Variants in GABRG1 observed in about 807,000 individuals in gnomAD.
GABRG1 encodes the protein gamma-aminobutyric acid type A receptor subunit gamma1.
GABRG1 carries 49 observed loss-of-function variants against 49.8 expected under a neutral mutation model. That is an observed-to-expected ratio of 0.98 (90% confidence interval 0.78 to 1.25). GABRG1 has a LOEUF of 1.25. GABRG1 is among the 50% of genes most tolerant of loss of function. GABRG1 has a pLI of 0.00. For synonymous variants in GABRG1, 232 were observed against 185.1 expected, an observed-to-expected ratio of 1.25 and a Z score of -2.06; for missense variants, 552 against 552.3, an observed-to-expected ratio of 1.00 and a Z score of 0.01.
chr4:46,044,808 C>A lies in GABRG1; in HGVS notation c.1132-3554G>T, dbSNP rs539120747. The stretch of plus-strand genomic sequence containing the variant: ...CTGTGCATGTAGAGAGTAAAGATGA[C>A]GACGGTTGGCATTCACTCATCTCTA... On this transcript the variant is annotated intron_variant, in intron 8 of 8. Coordinates refer to ENST00000295452, the MANE Select transcript of GABRG1 (RefSeq NM_173536.4). Among the ~76,000 whole-genome samples the A allele has an allele frequency of 1.3e-5, 2 of 152,132 alleles. 1 individual carries two copies. Among genetic ancestry groups the A allele is most frequent in the South Asian group, 4.2e-4 (2 of 4,814 alleles).
At chr4:46,114,796 C>T (rs2109443386) in intron 1 of GABRG1, among the ~76,000 whole-genome samples, 1 of 150,786 alleles carries the variant, frequency 6.6e-6, no homozygotes, top group East Asian at 2.0e-4. Context: ...ATTTAAAAAA[C>T]ATACTAACTT....
intron 3 of GABRG1, among the ~76,000 whole-genome samples, chr4:46,070,608 G>A (rs547244767): frequency 6.6e-6 from 1 of 151,972 alleles, no homozygotes; most frequent in Non-Finnish European, 1.5e-5. Flanking sequence ...ATAAATAGGT[G>A]GGCATATAGA....
At chr4:46,065,116 T>G (rs1048683384) in intron 4 of GABRG1, among the ~76,000 whole-genome samples, 4 of 152,152 alleles carry the variant, frequency 2.6e-5, no homozygotes, top group Admixed American at 1.3e-4. Context: ...ATCTTTATGC[T>G]GCAACCTGTT....
chr4:46,108,865 G>A (rs531372546), intron 1 of GABRG1, among the ~76,000 whole-genome samples: 1 of 151,074 alleles, frequency 6.6e-6, no homozygotes, highest in South Asian at 2.1e-4. Context: ...AATTCATCAG[G>A]AAGACTCAAA....
intron 2 of GABRG1, among the ~76,000 whole-genome samples, chr4:46,095,758 C>T (rs1720145085): frequency 6.6e-6 from 1 of 151,786 alleles, no homozygotes; most frequent in East Asian, 1.9e-4. Context: ...AAAATCTACT[C>T]AATAAAGAGA....
At position 46,040,471 on chromosome 4, in the gene GABRG1, A is replaced by G. The variant is rs917730944; in HGVS notation, c.*517T>C. On this transcript the variant is annotated 3_prime_UTR_variant, in exon 9 of 9. Coordinates refer to ENST00000295452, the MANE Select transcript of GABRG1 (RefSeq NM_173536.4). ...ATCAATTTCTTCTTGGGAATACAAT[A>G]TCTTGGAAGAAAATCCAAGAAAACT... 2 of 152,494 alleles carry G rather than the reference A, an allele frequency of 1.3e-5. No individual in the cohort carries two copies. The highest frequency in any genetic ancestry group is 2.4e-5 in the African/African-American group (1 of 41,438). The allele number at this position is 152,494 out of a possible 1,614,324, so 9.4% of individuals were successfully genotyped here. A position where few individuals can be genotyped will look rare whatever the true frequency, so the allele number is the denominator to read the frequency against.
rs377481920 is a variant in GABRG1, at chr4:46,118,132, G to GTGTGTATATATA, written c.104+5677_104+5678insTATATATACACA. 1.4e-4 allele frequency among the ~76,000 whole-genome samples: 15 copies of GTGTGTATATATA among 109,966 alleles called. 1 individual carries two copies. The highest frequency in any genetic ancestry group is 7.0e-4 in the South Asian group (3 of 4,284). The allele number at this position is 109,966 out of a possible 152,430, so 72.1% of individuals were successfully genotyped here. A position where few individuals can be genotyped will look rare whatever the true frequency, so the allele number is the denominator to read the frequency against. On this transcript the variant is annotated intron_variant, in intron 1 of 8. Transcript: ENST00000295452. The stretch of plus-strand genomic sequence containing the variant: ...TATATACATATATACGTGTGTGTGT[G>GTGTGTATATATA]TATATATATATATACAGCTACAGTA...
intron 2 of GABRG1, among the ~76,000 whole-genome samples, chr4:46,087,087 T>C (rs985353114): frequency 1.3e-5 from 2 of 151,806 alleles, no homozygotes; most frequent in Admixed American, 1.3e-4. Context: ...TAATTTTTTT[T>C]TCTTGTAATA....
In GABRG1 at chr4:46,065,493, T is replaced by A; in HGVS notation, c.413A>T (p.Asn138Ile). The A allele has an allele frequency of 1.9e-6, 3 of 1,611,106 alleles. No homozygotes were observed. The highest frequency in any genetic ancestry group is 2.5e-6 in the Non-Finnish European group (3 of 1,177,514). The change falls in exon 4 of 9, where the codon AAT (asparagine) becomes ATT (isoleucine). Residue 138 changes from asparagine (N) to isoleucine (I), a missense_variant. Asn to Ile is a moderately radical substitution (Grantham distance 149). Coordinates refer to ENST00000295452, the MANE Select transcript of GABRG1 (RefSeq NM_173536.4). ...AGGAATCCAAATTTTTCCAACCATA[T>A]TACTGTTAAGCATAAGCACTTTCAT... is the stretch of plus-strand genomic sequence containing the variant. Reference protein sequence around the residue: ...STMKVLMLNSNMVGKIWIPDT... With the variant: ...STMKVLMLNSIMVGKIWIPDT...
At chr4:46,042,927 G>T (rs1037438719) in intron 8 of GABRG1, among the ~76,000 whole-genome samples, 1 of 151,850 alleles carries the variant, frequency 6.6e-6, no homozygotes. Context: ...CTTATTAAAT[G>T]TTAATGACAG....
Position 46,123,812 on chromosome 4 carries a change from GT to G in GABRG1, c.101del (p.Asn34ThrfsTer14). The G allele has an allele frequency of 6.2e-7, 1 of 1,611,286 alleles. No individual in the cohort carries two copies. Among genetic ancestry groups the G allele is most frequent in the Non-Finnish European group, 8.5e-7 (1 of 1,177,650 alleles). ...TTTAAACCCCTGAATTTACTCACCA[GT>G]TTCCCAAATGCAGGGTCAGTAACAA... ...VFLLLTLHLG[N>X]CVDKADDEDD... On this transcript the variant is annotated frameshift_variant, in exon 1 of 9. Transcript: ENST00000295452. LOFTEE classifies it high-confidence loss of function.
chr4:46,106,544 G>A (rs577543127), intron 1 of GABRG1, among the ~76,000 whole-genome samples: 9 of 151,538 alleles, frequency 5.9e-5, no homozygotes, highest in African/African-American at 1.9e-4. Context: ...ACATAATACA[G>A]CAAGAGCACT....
intron 5 of GABRG1, among the ~76,000 whole-genome samples, chr4:46,062,785 A>C (rs1008177084): frequency 6.6e-6 from 1 of 152,174 alleles, no homozygotes; most frequent in African/African-American, 2.4e-5. Flanking sequence ...TCTCAGCCCA[A>C]AATCTCCTTA....
intron 1 of GABRG1, among the ~76,000 whole-genome samples, chr4:46,103,943 A>C (rs528975414): frequency 6.6e-6 from 1 of 151,512 alleles, no homozygotes; most frequent in Admixed American, 6.6e-5. Context: ...AGCTGCATGT[A>C]ATCTCTACCA....
intron 1 of GABRG1, among the ~76,000 whole-genome samples, chr4:46,117,453 G>A (rs1020506600): frequency 6.7e-6 from 1 of 149,614 alleles, no homozygotes; most frequent in African/African-American, 2.4e-5. Context: ...CACAACCAGA[G>A]TAAAGGTTCA....
intron 1 of GABRG1, among the ~76,000 whole-genome samples, chr4:46,110,675 C>T (rs982310720): frequency 4.0e-5 from 6 of 150,980 alleles, no homozygotes; most frequent in African/African-American, 1.5e-4. Flanking sequence ...AGGTTCTATT[C>T]CTGGGATATA....
chr4:46,076,464 T>C (rs1195674083), intron 3 of GABRG1, among the ~76,000 whole-genome samples: 1 of 146,510 alleles, frequency 6.8e-6, no homozygotes. Context: ...ATTAGCAAAG[T>C]CACTCTTTTC....
intron 1 of GABRG1, among the ~76,000 whole-genome samples, chr4:46,109,851 T>C (rs1247183645): frequency 6.6e-6 from 1 of 151,120 alleles, no homozygotes; most frequent in East Asian, 2.0e-4. Context: ...TTGATATCTA[T>C]TTTTATTCCA....
intron 8 of GABRG1, among the ~76,000 whole-genome samples, chr4:46,048,305 A>C (rs1487282144): frequency 6.6e-6 from 1 of 151,914 alleles, no homozygotes; most frequent in Non-Finnish European, 1.5e-5. Flanking sequence ...GGGCATATGA[A>C]ACAATCCAAA....
Sources: gnomAD v4.1 joint callset for allele counts (sites outside exome capture counted in the v4.1 genomes callset) on GRCh38, gnomAD v4.1.1 for gene constraint, MANE v1.5 for transcripts, NCBI Gene and HGNC (gene_info 2026-07-23, HGNC 2026-07-21) for gene names.